The following PTCH2 variants were observed in gnomAD, a reference collection of about 807,000 sequenced individuals.
PTCH2 encodes the protein patched 2.
PTCH2 carries 96 observed loss-of-function variants against 117.9 expected under a neutral mutation model. That is an observed-to-expected ratio of 0.81 (90% confidence interval 0.69 to 0.96). The LOEUF is 0.96. Among genes scored for constraint, PTCH2 ranks in the 50% least tolerant of loss-of-function variants. PTCH2 has a pLI of 0.00. For missense variants in PTCH2, 1,379 were observed against 1,562.5 expected, an observed-to-expected ratio of 0.88 and a Z score of 1.98; for synonymous variants, 615 against 660.9, an observed-to-expected ratio of 0.93 and a Z score of 1.06.
rs1020341530 is a variant in PTCH2 at position 44,823,918 on chromosome 1, A to C, written c.3115-533T>G. Among the ~76,000 whole-genome samples the C allele has an allele frequency of 1.3e-5, 2 of 150,740 alleles. No individual in the cohort carries two copies. Among genetic ancestry groups the C allele is most frequent in the Admixed American group, 6.6e-5 (1 of 15,160 alleles). On this transcript the variant is annotated intron_variant, in intron 19 of 21. Transcript: ENST00000372192. The surrounding 1 kb of genome is among the most constrained non-coding windows in gnomAD (Gnocchi z 5.1). The stretch of plus-strand genomic sequence containing the variant: ...GCACTGCTACACTCCAGCCTGGGCG[A>C]CAGAGTGAGACCCTGTTTCAAACAA...
At chr1:44,836,744 G>C (rs571584068) in intron 2 of PTCH2, among the ~76,000 whole-genome samples, 5 of 151,868 alleles carry the variant, frequency 3.3e-5, no homozygotes, top group Non-Finnish European at 7.4e-5. Context: ...AAAAAGATCA[G>C]CCTGGGCAAC....
rs200584842 is a variant in PTCH2, at chr1:44,828,562, C to T, written c.1534G>A (p.Ala512Thr). 2.7e-5 allele frequency: 43 copies of T among 1,614,002 alleles called. No homozygotes were observed. Among genetic ancestry groups the T allele is most frequent in the South Asian group, 6.6e-5 (6 of 91,072 alleles). ...GGAACGAGGGCAGCCATGAGGAAGG[C>T]GGCCATGTTGTTGATGGATGTGAGT... ...VVLTSINNMA[A>T]FLMAALVPIP... The change falls in exon 12 of 22, where the codon GCC (alanine) becomes ACC (threonine). Residue 512 changes from alanine to threonine, a missense_variant. Transcript: ENST00000372192.
At chr1:44,842,770 T>G in intron 1 of PTCH2, 91 bp downstream of exon 1, 1 of 1,291,804 alleles carries the variant, frequency 7.7e-7, no homozygotes. Flanking sequence ...CTAATGACAC[T>G]CGGCACTTCA....
chr1:44,837,893 A>G (rs1234929493), intron 2 of PTCH2, among the ~76,000 whole-genome samples: 1 of 151,934 alleles, frequency 6.6e-6, no homozygotes, highest in Non-Finnish European at 1.5e-5. Flanking sequence ...CCTGGCTAAC[A>G]TGGTGGAACC....
intron 2 of PTCH2, among the ~76,000 whole-genome samples, chr1:44,840,609 G>A (rs1300617427): frequency 6.6e-6 from 1 of 151,812 alleles, no homozygotes; most frequent in African/African-American, 2.4e-5. Context: ...TACTTTGGAG[G>A]CTGAGGCAGG....
rs1355382148 is a variant in PTCH2, at chr1:44,827,035, C to T, written c.2562G>A (p.Glu854=). 5.0e-6 allele frequency: 8 copies of T among 1,614,104 alleles called. No homozygotes were observed. In the South Asian group the frequency reaches 6.6e-5, roughly 13 times the overall value. ...ACACGGTCAGCCCCATGTAGAAGAGCTCGGGTGGAATCAGTCCCTCTCTGT... is the reference window on the plus strand; with the variant it reads ...ACACGGTCAGCCCCATGTAGAAGAGTTCGGGTGGAATCAGTCCCTCTCTGT... ...LVDREGLIPP[E]LFYMGLTVWV... Residue 854 remains glutamate, a synonymous_variant, in exon 17 of 22, where the codon GAG becomes GAA. Coordinates refer to ENST00000372192, the MANE Select transcript of PTCH2 (RefSeq NM_003738.5).
chr1:44,828,331 G>C lies in PTCH2; in HGVS notation c.1674C>G (p.His558Gln). Residue 558 changes from histidine to glutamine, a missense_variant, in exon 13 of 22, where the codon CAC becomes CAG. Coordinates refer to ENST00000372192, the MANE Select transcript of PTCH2 (RefSeq NM_003738.5). ...AGCAGAGCACATCAAGGCGCTGGCA[G>C]TGGCGCCGCCGTAGGTCCAGGCTGA... is the stretch of plus-strand genomic sequence containing the variant. ...AILSLDLRRR[H>Q]CQRLDVLCCF... 1 of 1,614,064 alleles carries C rather than the reference G, an allele frequency of 6.2e-7. No homozygotes were observed. The highest frequency in any genetic ancestry group is 8.5e-7 in the Non-Finnish European group (1 of 1,179,934).
chr1:44,829,827 G>A (rs1349578000), intron 7 of PTCH2, 66 bp from the exon 8 acceptor site: 17 of 1,613,832 alleles, frequency 1.1e-5, no homozygotes, highest in Non-Finnish European at 1.4e-5. Flanking sequence ...GATGTGAAGG[G>A]CCTTTTGCCA....
rs376362870 is a variant in PTCH2 at position 44,841,909 on chromosome 1, G to T, written c.203C>A (p.Ala68Asp). The T allele has an allele frequency of 1.4e-5, 22 of 1,614,186 alleles. No homozygotes were observed. The highest frequency in any genetic ancestry group is 1.9e-5 in the Non-Finnish European group (22 of 1,180,034). ...VLFLGLLAFG[A>D]LALGLRMAII... Reference sequence around the variant, plus strand: ...GGCCATGCGGAGACCTAATGCCAGGGCCCCAAAGGCCAACAGTCCCAGAAA... The same window carrying T: ...GGCCATGCGGAGACCTAATGCCAGGTCCCCAAAGGCCAACAGTCCCAGAAA... The change falls in exon 2 of 22, where the codon GCC (alanine) becomes GAC (aspartate). Residue 68 changes from alanine (A) to aspartate (D), a missense_variant. By Grantham distance (126) the Ala-to-Asp change is moderately radical. Transcript: ENST00000372192.
At position 44,829,332 on chromosome 1, in the gene PTCH2, T is replaced by G. The variant is rs2148877417; in HGVS notation, c.1216-20A>C. 3 of 1,613,730 alleles carry G rather than the reference T, an allele frequency of 1.9e-6. No individual in the cohort carries two copies. Among genetic ancestry groups the G allele is most frequent in the Non-Finnish European group, 2.5e-6 (3 of 1,179,972 alleles). ...GGCCAGCTGTGGGGGGAAAGGGCAGTCTCAGGGGCTCCCAGGGTGGGCACT... is the reference window on the plus strand; with the variant it reads ...GGCCAGCTGTGGGGGGAAAGGGCAGGCTCAGGGGCTCCCAGGGTGGGCACT... On this transcript the variant is annotated intron_variant, in intron 9 of 21. Coordinates refer to ENST00000372192, the MANE Select transcript of PTCH2 (RefSeq NM_003738.5).
intron 7 of PTCH2, 68 bp from the exon 8 acceptor site, chr1:44,829,829 C>T: frequency 6.2e-7 from 1 of 1,613,934 alleles, no homozygotes; most frequent in Non-Finnish European, 8.5e-7. Context: ...TGTGAAGGGC[C>T]TTTTGCCAGA....
At chr1:44,830,114 C>T (rs1653365804) in intron 6 of PTCH2, 84 bp from the exon 7 acceptor site, 16 of 1,563,154 alleles carry the variant, frequency 1.0e-5, no homozygotes, top group Middle Eastern at 3.9e-4. Context: ...CCAGGAACCA[C>T]GCTGCCATGA....
chr1:44,830,775 C>G, intron 6 of PTCH2, 73 bp downstream of exon 6: 1 of 1,447,426 alleles, frequency 6.9e-7, no homozygotes, highest in African/African-American at 1.4e-5. Context: ...TCAGCTCCCC[C>G]AGAACACAGG....
downstream of PTCH2, chr1:44,820,449 C>CA: frequency 1.5e-6 from 1 of 682,864 alleles, no homozygotes; most frequent in Non-Finnish European, 2.7e-6. Flanking sequence ...CAGACGGGCA[C>CA]AGACACTCAG....
downstream of PTCH2, chr1:44,819,988 A>T (rs184653286): frequency 6.4e-6 from 1 of 155,412 alleles, no homozygotes; most frequent in African/African-American, 2.4e-5. Flanking sequence ...TTGAAGAGAA[A>T]CCCGAGTATA....
intron 6 of PTCH2, 100 bp downstream of exon 6, chr1:44,830,748 G>A: frequency 8.1e-7 from 1 of 1,235,024 alleles, no homozygotes; most frequent in Non-Finnish European, 1.1e-6. Context: ...GAAGTGGGGG[G>A]TCAGGGCACA....
In PTCH2 at chr1:44,828,020, A is replaced by G. The variant is rs138458854; in HGVS notation, c.1881T>C (p.Pro627=). The G allele has an allele frequency of 1.3e-4, 213 of 1,614,074 alleles. No individual in the cohort carries two copies. Among genetic ancestry groups the G allele is most frequent in the Non-Finnish European group, 1.7e-4 (204 of 1,180,030 alleles). ...AGAGCTCAGAGCCCAGTGGGTCAGA[A>G]GGTGGGGGCACCAGGTGGGCTTGGG... ...LPPQAHLVPP[P]SDPLGSELFS... Residue 627 remains proline, a synonymous_variant, in exon 14 of 22, where the codon CCT becomes CCC. Transcript: ENST00000372192.
Position 44,827,468 on chromosome 1 carries a change from C to G in PTCH2, c.2305G>C (p.Val769Leu). 6.2e-7 allele frequency: 1 copy of G among 1,614,092 alleles called. No individual in the cohort carries two copies. The highest frequency in any genetic ancestry group is 8.5e-7 in the Non-Finnish European group (1 of 1,179,998). The stretch of plus-strand genomic sequence containing the variant: ...GCCTGGGTGGCCGGTGGGGGCAGCA[C>G]CGCCTTGAGGGAACTGAAGCGCTGG... ...LHQRFSSLKA[V>L]LPPPATQAPR... Residue 769 changes from valine to leucine, a missense_variant, in exon 15 of 22, where the codon GTG (valine) becomes CTG (leucine). Physicochemically the swap from Val to Leu is conservative, Grantham distance 32. Coordinates refer to ENST00000372192, the MANE Select transcript of PTCH2 (RefSeq NM_003738.5).
At chr1:44,819,923 C>CCTCG (rs1652832324), downstream of PTCH2, 1 of 153,246 alleles carries the variant, frequency 6.5e-6, no homozygotes, top group Non-Finnish European at 1.5e-5. Context: ...TGAATAAAAA[C>CCTCG]TCACAACTTT....
Sources: allele counts gnomAD v4.1 joint callset (sites outside exome capture counted in the v4.1 genomes callset), GRCh38; gene constraint gnomAD v4.1.1; non-coding constraint Gnocchi (gnomAD v3.1); transcripts MANE v1.5; gene names NCBI Gene and HGNC (gene_info 2026-07-23, HGNC 2026-07-21).